Variants in TNFRSF11A observed in about 807,000 individuals in gnomAD.
The protein encoded by TNFRSF11A is TNF receptor superfamily member 11a.
TNFRSF11A carries 32 observed loss-of-function variants against 55.7 expected under a neutral mutation model. The observed-to-expected ratio is 0.57, with a 90% CI of 0.43 to 0.77. The LOEUF (loss-of-function observed/expected upper bound fraction) is 0.77, where lower values mean the gene tolerates loss of function less well. TNFRSF11A is among the 30% of genes least tolerant of loss of function. The pLI is 0.00. For synonymous variants in TNFRSF11A, 311 were observed against 331.0 expected (o/e 0.94, Z 0.65); for missense variants, 753 against 809.8 (o/e 0.93, Z 0.85).
At position 62,390,879 on chromosome 18, in the gene TNFRSF11A, C is replaced by G. The variant is rs1419208502; in HGVS notation, c.*5845C>G. ...TCGGGTCTATTGAGTTTGTTATATA[C>G]AGTAAAATTCACCCTTTTTAGATAT... On this transcript the variant is annotated 3_prime_UTR_variant, in exon 10 of 10. Transcript: ENST00000586569. 4 of 152,118 alleles carry G rather than the reference C, an allele frequency of 2.6e-5. No homozygotes were observed. 9.4% of individuals were successfully genotyped at this position (152,118 alleles called of 1,614,324 possible).
intron 1 of TNFRSF11A, among the ~76,000 whole-genome samples, chr18:62,344,820 C>T (rs576461574): frequency 7.2e-5 from 11 of 152,124 alleles, no homozygotes; most frequent in Non-Finnish European, 1.6e-4. Context: ...CAGGGACAGC[C>T]GTTCATTCAT....
chr18:62,379,314 AACT>A (rs1911107235), intron 9 of TNFRSF11A, among the ~76,000 whole-genome samples: 6 of 152,288 alleles, frequency 3.9e-5, no homozygotes, highest in Admixed American at 1.3e-4. Context: ...GATTATTCAC[AACT>A]CTTGGGTCAC....
At chr18:62,372,337 G>T (rs1411654541) in intron 9 of TNFRSF11A, among the ~76,000 whole-genome samples, 1 of 152,146 alleles carries the variant, frequency 6.6e-6, no homozygotes, top group Non-Finnish European at 1.5e-5. Flanking sequence ...TTCTCACTGT[G>T]CCCCTAGAGA....
chr18:62,346,669 G>T (rs776228080), intron 1 of TNFRSF11A, among the ~76,000 whole-genome samples: 1 of 152,188 alleles, frequency 6.6e-6, no homozygotes, highest in Non-Finnish European at 1.5e-5. Flanking sequence ...GCTGGCCAGG[G>T]TGAGGTCAGA....
intron 2 of TNFRSF11A, 128 bp downstream of exon 2, chr18:62,348,377 T>G: frequency 1.3e-6 from 1 of 782,592 alleles, no homozygotes; most frequent in Admixed American, 2.0e-5. Context: ...GGTGGTAATG[T>G]CTGTCACTCT....
rs1314805731 is a variant in TNFRSF11A, at chr18:62,386,521, G to A, written c.*1487G>A. ...CCAGGTGGAAGGAAATCCCCTGGGT[G>A]GTTTTATCTTTTGTTACCCAGTGAG... On this transcript the variant is annotated 3_prime_UTR_variant, in exon 10 of 10. Coordinates refer to ENST00000586569, the MANE Select transcript of TNFRSF11A (RefSeq NM_003839.4). 6.6e-6 allele frequency: 1 copy of A among 152,308 alleles called. No homozygotes were observed. Among genetic ancestry groups the A allele is most frequent in the East Asian group, 1.9e-4 (1 of 5,192 alleles). 9.4% of individuals were successfully genotyped at this position (152,308 alleles called of 1,614,324 possible). A position where few individuals can be genotyped will look rare whatever the true frequency, so the allele number is the denominator to read the frequency against.
intron 1 of TNFRSF11A, among the ~76,000 whole-genome samples, chr18:62,341,836 C>CTTT (rs34047775): frequency 0.15 from 12,815 of 84,318 alleles, 1,178 homozygotes; most frequent in Non-Finnish European, 0.2. Flanking sequence ...CTGAGAATGG[C>CTTT]TTTTTTTTTT....
rs767673201 is a variant in TNFRSF11A, at chr18:62,384,881, G to A, written c.1698G>A (p.Met566Ile). ...GCGCGGCGGCGGCTGCGGAGCCCAT[G>A]GGCCGCCCGGTGCAGGAGGAGACCC... is the stretch of plus-strand genomic sequence containing the variant. Reference protein sequence around the residue: ...QEGAAAAAEPMGRPVQEETLA... With the variant: ...QEGAAAAAEPIGRPVQEETLA... Residue 566 changes from methionine (M) to isoleucine (I), a missense_variant, in exon 10 of 10, where the codon ATG becomes ATA. Met to Ile is a conservative substitution (Grantham distance 10). Around this residue, in one of 3 missense-constraint regions of TNFRSF11A, gnomAD observed 567 missense variants for 596.7 expected, o/e 0.95. Coordinates refer to ENST00000586569, the MANE Select transcript of TNFRSF11A (RefSeq NM_003839.4). 9 of 1,592,558 alleles carry A rather than the reference G, an allele frequency of 5.7e-6. No homozygotes were observed. Among genetic ancestry groups the A allele is most frequent in the East Asian group, 2.3e-5 (1 of 44,074 alleles).
rs1357035206 is a variant in TNFRSF11A, at chr18:62,358,360, G to A, written c.521+19G>A. On this transcript the variant is annotated intron_variant, in intron 5 of 9. Coordinates refer to ENST00000586569, the MANE Select transcript of TNFRSF11A (RefSeq NM_003839.4). ...GGACCAAGTAAGTAACAACAAAGGA[G>A]TCAGAAGAGATGGTTGGTTTTTAAA... 9.9e-6 allele frequency: 16 copies of A among 1,608,702 alleles called. No homozygotes were observed. The highest frequency in any genetic ancestry group is 1.4e-5 in the Non-Finnish European group (16 of 1,175,488).
intron 9 of TNFRSF11A, among the ~76,000 whole-genome samples, chr18:62,380,218 T>C (rs1459105050): frequency 2.6e-5 from 4 of 152,242 alleles, no homozygotes; most frequent in African/African-American, 9.6e-5. Context: ...TTGCCACGTA[T>C]TGTGTGATTG....
intron 5 of TNFRSF11A, among the ~76,000 whole-genome samples, chr18:62,359,014 C>G (rs1198192086): frequency 6.6e-6 from 1 of 152,126 alleles, no homozygotes; most frequent in Admixed American, 6.6e-5. Context: ...ATTCATGGGT[C>G]CTTTCATTGC....
At chr18:62,377,450 G>T (rs1162114362) in intron 9 of TNFRSF11A, among the ~76,000 whole-genome samples, 1 of 152,152 alleles carries the variant, frequency 6.6e-6, no homozygotes, top group Non-Finnish European at 1.5e-5. Context: ...GTTCAGTTTT[G>T]TAAGAAGTCA....
At chr18:62,380,164 C>T (rs929011646) in intron 9 of TNFRSF11A, among the ~76,000 whole-genome samples, 4 of 152,210 alleles carry the variant, frequency 2.6e-5, no homozygotes, top group Non-Finnish European at 5.9e-5. Context: ...AGACCTTGTG[C>T]GGCTGCACAG....
rs184581290 is a variant in TNFRSF11A, at chr18:62,355,343, T to C, written c.427+809T>C. On this transcript the variant is annotated intron_variant, in intron 4 of 9. Coordinates refer to ENST00000586569, the MANE Select transcript of TNFRSF11A (RefSeq NM_003839.4). ...CCCAGGCTGGAGTGCAATGGCACAATCTCGGCTCACCGCAACCTCTGCCTC... is the reference window on the plus strand; with the variant it reads ...CCCAGGCTGGAGTGCAATGGCACAACCTCGGCTCACCGCAACCTCTGCCTC... Among the ~76,000 whole-genome samples the C allele has an allele frequency of 3.5e-3, 532 of 152,258 alleles. 4 individuals carry two copies. Among genetic ancestry groups the C allele is most frequent in the African/African-American group, 0.012 (513 of 41,544 alleles).
intron 4 of TNFRSF11A, among the ~76,000 whole-genome samples, chr18:62,355,102 T>C (rs527730165): frequency 6.6e-6 from 1 of 152,344 alleles, no homozygotes; most frequent in Admixed American, 6.5e-5. Context: ...TGTATTTAAC[T>C]ATTGGACAGT....
intron 4 of TNFRSF11A, among the ~76,000 whole-genome samples, chr18:62,355,240 A>G (rs77566182): frequency 0.28 from 42,036 of 152,042 alleles, 6,129 homozygotes; most frequent in African/African-American, 0.35. Context: ...ATATGCACAT[A>G]TTGAAAAATA....
chr18:62,369,090 G>C lies in TNFRSF11A; in HGVS notation c.1173G>C (p.Thr391=), dbSNP rs367884859. ...GENDSLSQCF[T]GTQSTVGSES... is the part of the protein sequence containing the mutation. ...ATGACAGTTTAAGCCAGTGCTTCAC[G>C]GGGACACAGAGCACAGTGGGTTCAG... Residue 391 remains threonine (T), a synonymous_variant, in exon 9 of 10, where the codon ACG becomes ACC. Coordinates refer to ENST00000586569, the MANE Select transcript of TNFRSF11A (RefSeq NM_003839.4). 7 of 1,614,058 alleles carry C rather than the reference G, an allele frequency of 4.3e-6. No homozygotes were observed. The highest frequency in any genetic ancestry group is 5.1e-6 in the Non-Finnish European group (6 of 1,180,044).
In TNFRSF11A at chr18:62,361,722, T is replaced by C; in HGVS notation, c.659T>C (p.Phe220Ser). ...CCCGGTTTAATAATTCTGCTTCTCT[T>C]CGCGTCTGTGGCCCTGGTGGCTGCC... ...YLPGLIILLL[F>S]ASVALVAAII... is the part of the protein sequence containing the mutation. Residue 220 changes from phenylalanine to serine, a missense_variant, in exon 7 of 10, where the codon TTC becomes TCC. Physicochemically the swap from Phe to Ser is radical, Grantham distance 155. Transcript: ENST00000586569. 1 of 1,614,182 alleles carries C rather than the reference T, an allele frequency of 6.2e-7. No homozygotes were observed.
intron 9 of TNFRSF11A, among the ~76,000 whole-genome samples, chr18:62,376,552 C>T (rs1318846342): frequency 1.3e-5 from 2 of 152,190 alleles, no homozygotes; most frequent in African/African-American, 4.8e-5. Context: ...CCCACACATG[C>T]ACAGCCTCCC....
Sources: allele counts gnomAD v4.1 joint callset (sites outside exome capture counted in the v4.1 genomes callset), GRCh38; gene constraint gnomAD v4.1.1; regional missense constraint gnomAD v4.1.1; transcripts MANE v1.5; gene names NCBI Gene and HGNC (gene_info 2026-07-23, HGNC 2026-07-21).